PRCP: variants seen among roughly 807,000 people sequenced by gnomAD.
The protein encoded by PRCP is lysosomal Pro-X carboxypeptidase.
In PRCP, 46 loss-of-function variants were observed where a neutral mutation model predicts 54.2. The ratio of observed to expected loss-of-function variants is 0.85; its 90% CI spans 0.67 to 1.09. PRCP has a LOEUF of 1.09. Ranked by LOEUF, PRCP falls within the 50% of genes least tolerant of loss-of-function variation. PRCP has a pLI of 0.00. For missense variants in PRCP, 613 were observed against 596.8 expected, an observed-to-expected ratio of 1.03 and a Z score of -0.28; for synonymous variants, 240 against 212.2, an observed-to-expected ratio of 1.13 and a Z score of -1.14.
rs1361209570 is a variant in PRCP at position 82,860,044 on chromosome 11, T to C, written c.242A>G (p.Lys81Arg). The C allele has an allele frequency of 6.3e-7, 1 of 1,592,030 alleles. No homozygotes were observed. The highest frequency in any genetic ancestry group is 8.5e-7 in the Non-Finnish European group (1 of 1,170,012). Residue 81 changes from lysine to arginine, a missense_variant, in exon 2 of 9, where the codon AAA becomes AGA. By Grantham distance (26) the Lys-to-Arg change is conservative. Transcript: ENST00000313010. ...GTAGAAAAGTATTGATCCACCATTTTTCTTCCAGTATTTATCAGCTACTAG... is the reference window on the plus strand; with the variant it reads ...GTAGAAAAGTATTGATCCACCATTTCTCTTCCAGTATTTATCAGCTACTAG... ...RYLVADKYWK[K>R]NGGSILFYTG...
In PRCP at chr11:82,839,292, C is replaced by T. The variant is rs1858602341; in HGVS notation, c.1055G>A (p.Ser352Asn). The change falls in exon 7 of 9, where the codon AGC (serine) becomes AAC (asparagine). Residue 352 changes from serine (S) to asparagine (N), a missense_variant. By Grantham distance (46) the Ser-to-Asn change is conservative (BLOSUM62 1). Transcript: ENST00000313010. Reference protein sequence around the residue: ...KCLNISETATSSLGTLGWSYQ... With the variant: ...KCLNISETATNSLGTLGWSYQ... ...GCTCCAACCCAGTGTTCCCAGACTG[C>T]TAGTTGCTGTCTCTGAAATATTCAG... 1 of 1,613,890 alleles carries T rather than the reference C, an allele frequency of 6.2e-7. No individual in the cohort carries two copies. Among genetic ancestry groups the T allele is most frequent in the Admixed American group, 1.7e-5 (1 of 59,986 alleles).
chr11:82,868,080 T>C (rs1026743994), intron 1 of PRCP, among the ~76,000 whole-genome samples: 4 of 152,142 alleles, frequency 2.6e-5, no homozygotes, highest in Non-Finnish European at 2.9e-5. Flanking sequence ...GGATTCAAAA[T>C]CTGTGCTGTC....
At chr11:82,866,684 T>C (rs1227797917) in intron 1 of PRCP, among the ~76,000 whole-genome samples, 2 of 152,160 alleles carry the variant, frequency 1.3e-5, no homozygotes, top group African/African-American at 4.8e-5. Flanking sequence ...GCTACCACAG[T>C]GCCCTTGTAC....
intron 2 of PRCP, among the ~76,000 whole-genome samples, chr11:82,859,208 T>C (rs532190276): frequency 2.4e-4 from 37 of 152,330 alleles, no homozygotes; most frequent in African/African-American, 8.7e-4. Flanking sequence ...GTTTTGTTAA[T>C]GGATTTCGGC....
intron 6 of PRCP, 106 bp from the exon 7 acceptor site, chr11:82,839,531 T>A: frequency 8.0e-7 from 1 of 1,249,424 alleles, no homozygotes; most frequent in South Asian, 1.3e-5. Flanking sequence ...CATAAAATAT[T>A]CTTAAGCTAC....
chr11:82,844,520 T>C (rs956743282), intron 6 of PRCP, among the ~76,000 whole-genome samples: 2 of 152,064 alleles, frequency 1.3e-5, no homozygotes, highest in Non-Finnish European at 2.9e-5. Context: ...GTGGATCACC[T>C]GAGATCAGGA....
intron 2 of PRCP, among the ~76,000 whole-genome samples, chr11:82,859,776 G>A (rs1859166246): frequency 6.6e-6 from 1 of 152,090 alleles, no homozygotes; most frequent in South Asian, 2.1e-4. Context: ...TTGGATATCT[G>A]TATTTAATTC....
At chr11:82,890,446 C>T (rs1299416893) in intron 1 of PRCP, among the ~76,000 whole-genome samples, 1 of 152,108 alleles carries the variant, frequency 6.6e-6, no homozygotes, top group Non-Finnish European at 1.5e-5. Flanking sequence ...CTTGTTTTTT[C>T]ATTAGATCCC....
chr11:82,852,057 G>A, intron 3 of PRCP, among the ~76,000 whole-genome samples: 1 of 152,142 alleles, frequency 6.6e-6, no homozygotes, highest in Non-Finnish European at 1.5e-5. Flanking sequence ...GCTCCATTTT[G>A]CTAACACAGT....
intron 2 of PRCP, among the ~76,000 whole-genome samples, chr11:82,856,304 T>C (rs1859080471): frequency 6.6e-6 from 1 of 152,190 alleles, no homozygotes; most frequent in Admixed American, 6.5e-5. Flanking sequence ...AAAGACAATG[T>C]GGTCTATATA....
chr11:82,896,151 T>G (rs1458990996), intron 1 of PRCP, among the ~76,000 whole-genome samples: 2 of 152,194 alleles, frequency 1.3e-5, no homozygotes, highest in African/African-American at 4.8e-5. Context: ...CCTACCATGT[T>G]TTATGCACCA....
intron 8 of PRCP, chr11:82,827,073 T>C (rs1858254110): frequency 2.0e-5 from 3 of 152,220 alleles, no homozygotes; most frequent in Admixed American, 1.3e-4. Context: ...AAATTACTTA[T>C]AGAACATTTT....
chr11:82,844,291 C>T (rs952871157), intron 6 of PRCP, among the ~76,000 whole-genome samples: 6 of 152,090 alleles, frequency 3.9e-5, no homozygotes, highest in Non-Finnish European at 8.8e-5. Context: ...GATTCAAATA[C>T]AGACTCTAGT....
chr11:82,897,319 A>C (rs1860140350), intron 1 of PRCP, among the ~76,000 whole-genome samples: 1 of 152,246 alleles, frequency 6.6e-6, no homozygotes, highest in Non-Finnish European at 1.5e-5. Flanking sequence ...TGTGACAATT[A>C]AATGATGGTA....
At chr11:82,843,503 A>G (rs143461132) in intron 6 of PRCP, among the ~76,000 whole-genome samples, 44 of 152,350 alleles carry the variant, frequency 2.9e-4, no homozygotes, top group African/African-American at 1.0e-3. Flanking sequence ...GATAATGTGC[A>G]GATATTACTG....
chr11:82,841,564 T>C (rs1858672558), intron 6 of PRCP, among the ~76,000 whole-genome samples: 1 of 152,194 alleles, frequency 6.6e-6, no homozygotes. Flanking sequence ...CCAAAAGTTT[T>C]CAGAACTGCT....
intron 6 of PRCP, among the ~76,000 whole-genome samples, chr11:82,845,259 C>A (rs556014766): frequency 6.6e-6 from 1 of 152,156 alleles, no homozygotes; most frequent in African/African-American, 2.4e-5. Flanking sequence ...CCCACATGCA[C>A]CAGACAAAGT....
chr11:82,829,379 C>T (rs1045583813), intron 8 of PRCP: 9 of 152,272 alleles, frequency 5.9e-5, no homozygotes, highest in Admixed American at 4.6e-4. Context: ...CCTTACTCCA[C>T]GTGAAGAAGA....
chr11:82,896,678 CAAAAAAAAAAAAA>C (rs68047129), intron 1 of PRCP, among the ~76,000 whole-genome samples: 17 of 55,676 alleles, frequency 3.1e-4, no homozygotes, highest in African/African-American at 2.4e-4. Context: ...GACTCCAACT[CAAAAAAAAAAAAA>C]AAAAAAAAAA....
Sources: gnomAD v4.1 joint callset for allele counts (sites outside exome capture counted in the v4.1 genomes callset) on GRCh38, gnomAD v4.1.1 for gene constraint, MANE v1.5 for transcripts, NCBI Gene and HGNC (gene_info 2026-07-23, HGNC 2026-07-21) for gene names.